The following NUBPL variants were observed in gnomAD, a reference collection of about 807,000 sequenced individuals.
The protein encoded by NUBPL is iron-sulfur cluster transfer protein NUBPL.
NUBPL carries 31 observed loss-of-function variants against 45.7 expected under a neutral mutation model. The observed-to-expected ratio is 0.68, with a 90% CI of 0.51 to 0.92. The LOEUF (loss-of-function observed/expected upper bound fraction) is 0.92, where lower values mean the gene tolerates loss of function less well. Ranked by LOEUF, NUBPL falls within the 40% of genes least tolerant of loss-of-function variation. The pLI is 0.00. For missense variants in NUBPL, 401 were observed against 398.7 expected (o/e 1.01, Z -0.05); for synonymous variants, 144 against 140.9 (o/e 1.02, Z -0.15).
At chr14:31,831,823 G>T (rs1339742055) in intron 8 of NUBPL, among the ~76,000 whole-genome samples, 1 of 152,206 alleles carries the variant, frequency 6.6e-6, no homozygotes, top group African/African-American at 2.4e-5. Flanking sequence ...AGTTCATAAA[G>T]AATGCTGGAT....
chr14:31,812,983 CTTT>C (rs33986436), intron 7 of NUBPL, among the ~76,000 whole-genome samples: 4,380 of 105,090 alleles, frequency 0.042, 226 homozygotes, highest in African/African-American at 0.15. Context: ...CTTGTTAGTT[CTTT>C]TTTTTTTTTT....
chr14:31,760,711 C>T (rs571191262), intron 6 of NUBPL, among the ~76,000 whole-genome samples: 32 of 152,164 alleles, frequency 2.1e-4, no homozygotes, highest in South Asian at 1.2e-3. Flanking sequence ...TTTTGTTATC[C>T]ATTGATACAC....
intron 3 of NUBPL, among the ~76,000 whole-genome samples, chr14:31,597,028 A>G (rs2034301653): frequency 1.3e-5 from 2 of 152,266 alleles, no homozygotes; most frequent in Non-Finnish European, 2.9e-5. Flanking sequence ...GCATCTTTAT[A>G]TAACTTTGCT....
At chr14:31,689,067 A>G (rs982275760) in intron 6 of NUBPL, among the ~76,000 whole-genome samples, 1 of 151,546 alleles carries the variant, frequency 6.6e-6, no homozygotes, top group African/African-American at 2.4e-5. Flanking sequence ...TCAGTCTACC[A>G]TTGATAGGCA....
At position 31,673,342 on chromosome 14, in the gene NUBPL, T is replaced by G; in HGVS notation, c.383-13T>G. 1 of 1,599,050 alleles carries G rather than the reference T, an allele frequency of 6.3e-7. No homozygotes were observed. The highest frequency in any genetic ancestry group is 8.5e-7 in the Non-Finnish European group (1 of 1,171,900). On this transcript the variant is annotated splice_polypyrimidine_tract_variant and intron_variant, in intron 4 of 10. Transcript: ENST00000281081. ...TTTATTGTTCTAAAAGAGAGGATTT[T>G]TTTTTTTTCCAGGCAACCTAATGAG...
chr14:31,800,775 A>G (rs1218948671), intron 7 of NUBPL: 1 of 152,240 alleles, frequency 6.6e-6, no homozygotes, highest in Non-Finnish European at 1.5e-5. Context: ...AACTCTTGGA[A>G]TTAAGTAAAG....
intron 4 of NUBPL, among the ~76,000 whole-genome samples, chr14:31,659,966 G>A (rs956154507): frequency 1.3e-5 from 2 of 152,134 alleles, no homozygotes; most frequent in Admixed American, 6.5e-5. Flanking sequence ...GCCTGAGATG[G>A]GCATAGTAGG....
At chr14:31,842,394 G>C (rs960869206) in intron 8 of NUBPL, among the ~76,000 whole-genome samples, 1 of 152,156 alleles carries the variant, frequency 6.6e-6, no homozygotes, top group African/African-American at 2.4e-5. Flanking sequence ...ACTAGGAGAA[G>C]TTACATATTA....
intron 4 of NUBPL, among the ~76,000 whole-genome samples, chr14:31,601,224 C>T (rs2034424450): frequency 6.6e-6 from 1 of 152,182 alleles, no homozygotes. Flanking sequence ...TCAGGATTGA[C>T]TTGGTGATGC....
intron 2 of NUBPL, among the ~76,000 whole-genome samples, chr14:31,563,648 A>T (rs2033359329): frequency 6.6e-6 from 1 of 152,210 alleles, no homozygotes; most frequent in Non-Finnish European, 1.5e-5. Flanking sequence ...CTACTTCAAA[A>T]TACTTCCCAT....
chr14:31,575,193 A>G (rs982873955), intron 3 of NUBPL, among the ~76,000 whole-genome samples: 1 of 152,176 alleles, frequency 6.6e-6, no homozygotes, highest in African/African-American at 2.4e-5. Context: ...AAGTTCTGTG[A>G]TCATGTCAGA....
chr14:31,769,016 C>T (rs2038961949), intron 6 of NUBPL, among the ~76,000 whole-genome samples: 1 of 152,084 alleles, frequency 6.6e-6, no homozygotes, highest in Non-Finnish European at 1.5e-5. Context: ...GCCGCAGTTA[C>T]AAGTGGATGT....
At chr14:31,845,275 A>G (rs924682871) in intron 8 of NUBPL, 11 of 152,306 alleles carry the variant, frequency 7.2e-5, no homozygotes, top group African/African-American at 2.6e-4. Flanking sequence ...ATGAAACTTA[A>G]TTTTGTTTCA....
Position 31,860,325 on chromosome 14 carries a change from A to T in NUBPL, c.*1145A>T, listed in dbSNP as rs2139031576. 7.2e-6 allele frequency: 1 copy of T among 138,410 alleles called. No homozygotes were observed. Among genetic ancestry groups the T allele is most frequent in the South Asian group, 2.3e-4 (1 of 4,386 alleles). The allele number at this position is 138,410 out of a possible 1,614,324, so 8.6% of individuals were successfully genotyped here. On this transcript the variant is annotated 3_prime_UTR_variant, in exon 11 of 11. Coordinates refer to ENST00000281081, the MANE Select transcript of NUBPL (RefSeq NM_025152.3). ...CTCAAAAAAAAAAAAAAAAAAAAAAAAAGTCGGGGGAGATGCAATATTTAG... is the reference window on the plus strand; with the variant it reads ...CTCAAAAAAAAAAAAAAAAAAAAAATAAGTCGGGGGAGATGCAATATTTAG...
intron 4 of NUBPL, among the ~76,000 whole-genome samples, chr14:31,603,227 G>C (rs893318726): frequency 2.7e-5 from 4 of 147,066 alleles, no homozygotes; most frequent in African/African-American, 1.0e-4. Context: ...TTGAGTCCTG[G>C]AAGTCAAGGC....
intron 6 of NUBPL, among the ~76,000 whole-genome samples, chr14:31,688,652 G>GTTTTTTTTTTTTTTTT (rs552419842): frequency 1.0e-5 from 1 of 99,158 alleles, no homozygotes; most frequent in African/African-American, 4.0e-5. Context: ...ACAGGTTTTT[G>GTTTTTTTTTTTTTTTT]TTGTTGTTTT....
intron 7 of NUBPL, among the ~76,000 whole-genome samples, chr14:31,819,029 T>A (rs185959008): frequency 3.3e-5 from 5 of 152,326 alleles, no homozygotes; most frequent in Admixed American, 2.0e-4. Flanking sequence ...GGTCTGTGAG[T>A]ACATTTGAGG....
Position 31,712,319 on chromosome 14 carries a change from C to G in NUBPL, c.513+38745C>G, listed in dbSNP as rs992323431. The stretch of plus-strand genomic sequence containing the variant: ...CAACCCAGAAGCCCAGATGGCTTCA[C>G]CAATGGTACTCGCCGCAGGACTTTG... On this transcript the variant is annotated intron_variant, in intron 6 of 10. Coordinates refer to ENST00000281081, the MANE Select transcript of NUBPL (RefSeq NM_025152.3). 2.0e-5 allele frequency among the ~76,000 whole-genome samples: 3 copies of G among 152,248 alleles called. No individual in the cohort carries two copies. In the South Asian group the frequency reaches 6.2e-4, roughly 31 times the overall value.
rs141137203 is a variant in NUBPL at position 31,711,770 on chromosome 14, G to A, written c.513+38196G>A. ...GTGTTACAGCTCTTAAAGGCAGTGC[G>A]TCTGGAGTTGTTCATTCCTTCCGGT... On this transcript the variant is annotated intron_variant, in intron 6 of 10. Coordinates refer to ENST00000281081, the MANE Select transcript of NUBPL (RefSeq NM_025152.3). Among the ~76,000 whole-genome samples the A allele has an allele frequency of 2.3e-3, 345 of 152,046 alleles. 3 individuals carry two copies. Among genetic ancestry groups the A allele is most frequent in the African/African-American group, 7.6e-3 (315 of 41,472 alleles).
Sources: gnomAD v4.1 joint callset for allele counts (sites outside exome capture counted in the v4.1 genomes callset) on GRCh38, gnomAD v4.1.1 for gene constraint, MANE v1.5 for transcripts, NCBI Gene and HGNC (gene_info 2026-07-23, HGNC 2026-07-21) for gene names.